SLC30A7: variants seen among roughly 807,000 people sequenced by gnomAD.
The protein encoded by SLC30A7 is zinc transporter 7.
A neutral mutation model predicts 46.0 loss-of-function variants in SLC30A7; 35 were observed. The observed-to-expected ratio is 0.76, with a 90% CI of 0.58 to 1.01. The LOEUF is 1.01. Among genes scored for constraint, SLC30A7 ranks in the 50% least tolerant of loss-of-function variants. The pLI is 0.00. For synonymous variants in SLC30A7, 147 were observed against 157.8 expected (o/e 0.93, Z 0.51); for missense variants, 464 against 451.1 (o/e 1.03, Z -0.26).
chr1:100,984,890 A>G (rs1259860747), downstream of SLC30A7, among the ~76,000 whole-genome samples: 1 of 152,248 alleles, frequency 6.6e-6, no homozygotes, highest in Admixed American at 6.5e-5. Context: ...GAGCAATACA[A>G]AAATGCTATA....
chr1:100,938,443 T>A (rs1309010841), intron 8 of SLC30A7, among the ~76,000 whole-genome samples: 3 of 152,242 alleles, frequency 2.0e-5, no homozygotes, highest in African/African-American at 7.2e-5. Context: ...AACTTACTTG[T>A]TTCTTTTTAC....
At chr1:100,947,513 G>A (rs1404764500) in intron 8 of SLC30A7, among the ~76,000 whole-genome samples, 1 of 152,166 alleles carries the variant, frequency 6.6e-6, no homozygotes, top group Middle Eastern at 3.2e-3. Context: ...GTGGTGCTGA[G>A]AAGAATGTAT....
At chr1:100,920,882 G>C (rs1570532145) in intron 7 of SLC30A7, among the ~76,000 whole-genome samples, 4 of 146,808 alleles carry the variant, frequency 2.7e-5, no homozygotes, top group Admixed American at 2.7e-4. Flanking sequence ...AAGTTTAAAA[G>C]AATGTTTGTG....
intron 6 of SLC30A7, among the ~76,000 whole-genome samples, chr1:100,916,704 CTTTTTTTTTTT>C (rs33980397): frequency 1.3e-4 from 12 of 92,320 alleles, no homozygotes; most frequent in East Asian, 3.4e-4. Context: ...TTCATTCATT[CTTTTTTTTTTT>C]TTTTTTTTTT....
At chr1:100,993,932 C>T in the SLC30A7 span, among the ~76,000 whole-genome samples, 4 of 151,744 alleles carry the variant, frequency 2.6e-5, no homozygotes, top group African/African-American at 4.8e-5. Context: ...TTAGTACAGA[C>T]GGGGTTTCAC....
intron 5 of SLC30A7, among the ~76,000 whole-genome samples, chr1:100,912,987 G>A (rs898865797): frequency 6.6e-6 from 1 of 151,952 alleles, no homozygotes; most frequent in Non-Finnish European, 1.5e-5. Context: ...TAATTTACTG[G>A]TATTTAGAAT....
At chr1:100,943,458 G>C (rs1361182473) in intron 8 of SLC30A7, among the ~76,000 whole-genome samples, 1 of 152,184 alleles carries the variant, frequency 6.6e-6, no homozygotes, top group African/African-American at 2.4e-5. Context: ...CCCAAACCCT[G>C]TCCTTTTGGG....
intron 8 of SLC30A7, among the ~76,000 whole-genome samples, chr1:100,928,357 A>G (rs1444357782): frequency 6.6e-6 from 1 of 152,208 alleles, no homozygotes; most frequent in Non-Finnish European, 1.5e-5. Flanking sequence ...TAGGGAAGAC[A>G]GTGCCCTCCA....
At chr1:100,989,758 T>C in the SLC30A7 span, 1 of 152,332 alleles carries the variant, frequency 6.6e-6, no homozygotes. Context: ...CTTGTATAAA[T>C]TGGTTTCATA....
At position 100,896,288 on chromosome 1, in the gene SLC30A7, A is replaced by G. The variant is rs886505132; in HGVS notation, c.26A>G (p.Asp9Gly). 6.2e-7 allele frequency: 1 copy of G among 1,614,076 alleles called. No individual in the cohort carries two copies. Among genetic ancestry groups the G allele is most frequent in the Non-Finnish European group, 8.5e-7 (1 of 1,180,050 alleles). The part of the protein sequence containing the change: MLPLSIKD[D>G]EYKPPKFNLF... Reference sequence around the variant, plus strand: ...ATGTTGCCCCTGTCCATCAAAGACGATGAATACAAACCACCCAAGTTCAAT... The same window carrying G: ...ATGTTGCCCCTGTCCATCAAAGACGGTGAATACAAACCACCCAAGTTCAAT... Residue 9 changes from aspartate (D) to glycine (G), a missense_variant, in exon 1 of 11, where the codon GAT (aspartate) becomes GGT (glycine). Physicochemically the swap from Asp to Gly is moderately conservative, Grantham distance 94. Coordinates refer to ENST00000357650, the MANE Select transcript of SLC30A7 (RefSeq NM_133496.5).
chr1:100,905,511 G>A (rs1388995317), intron 2 of SLC30A7, among the ~76,000 whole-genome samples: 1 of 151,310 alleles, frequency 6.6e-6, no homozygotes, highest in Non-Finnish European at 1.5e-5. Flanking sequence ...TTTCTTTTCT[G>A]TTCCTGAGAC....
chr1:100,943,751 T>C (rs1654477201), intron 8 of SLC30A7, among the ~76,000 whole-genome samples: 1 of 152,248 alleles, frequency 6.6e-6, no homozygotes, highest in South Asian at 2.1e-4. Flanking sequence ...AAAGCAGTTC[T>C]GTGCAACCTT....
chr1:100,941,833 G>A (rs1654368993), intron 8 of SLC30A7: 1 of 518,860 alleles, frequency 1.9e-6, no homozygotes, highest in Non-Finnish European at 3.7e-6. Flanking sequence ...CCCCTGGAGT[G>A]CCTGGTGTTT....
chr1:100,937,191 G>A (rs775192207), intron 8 of SLC30A7, among the ~76,000 whole-genome samples: 3 of 152,072 alleles, frequency 2.0e-5, no homozygotes, highest in Non-Finnish European at 2.9e-5. Flanking sequence ...GACATACTAT[G>A]TACCCATGTA....
rs914181733 is a variant in SLC30A7, at chr1:100,977,518, A to G, written c.*2661A>G. The G allele has an allele frequency of 1.3e-5, 2 of 152,208 alleles. No individual in the cohort carries two copies. Among genetic ancestry groups the G allele is most frequent in the Non-Finnish European group, 2.9e-5 (2 of 68,038 alleles). The allele number at this position is 152,208 out of a possible 1,614,324, so 9.4% of individuals were successfully genotyped here. On this transcript the variant is annotated 3_prime_UTR_variant, in exon 11 of 11. Transcript: ENST00000357650. The stretch of plus-strand genomic sequence containing the variant: ...TATATTACTAAAGTAGATAATTCCA[A>G]TGAGAAATACTACCAGATTATTGTT...
At chr1:100,955,046 T>G (rs1026776922) in intron 8 of SLC30A7, among the ~76,000 whole-genome samples, 8 of 152,112 alleles carry the variant, frequency 5.3e-5, no homozygotes, top group Non-Finnish European at 1.2e-4. Flanking sequence ...TCTGTAATCT[T>G]GTTTTAATTA....
intron 8 of SLC30A7, among the ~76,000 whole-genome samples, chr1:100,929,088 TAGAG>T (rs765544626): frequency 4.5e-5 from 6 of 133,042 alleles, no homozygotes; most frequent in Admixed American, 7.8e-5. Context: ...AAACTATATA[TAGAG>T]AGTGTGTGTG....
chr1:100,921,131 A>G (rs1327029029), intron 7 of SLC30A7, among the ~76,000 whole-genome samples: 1 of 152,154 alleles, frequency 6.6e-6, no homozygotes, highest in Non-Finnish European at 1.5e-5. Flanking sequence ...ATTTAAAAAT[A>G]TTCAAATCAG....
chr1:100,992,563 G>T, the SLC30A7 span: 1 of 1,038,442 alleles, frequency 9.6e-7, no homozygotes, highest in Non-Finnish European at 1.5e-6. Context: ...AGTGGTATGA[G>T]ATATTAAGTC....
Sources: allele counts gnomAD v4.1 joint callset (sites outside exome capture counted in the v4.1 genomes callset), GRCh38; gene constraint gnomAD v4.1.1; transcripts MANE v1.5; gene names NCBI Gene and HGNC (gene_info 2026-07-23, HGNC 2026-07-21).